Variants in EDIL3 observed in about 807,000 individuals in gnomAD.
EDIL3 encodes the protein EGF like and discoidin domains 3.
EDIL3 carries 37 observed loss-of-function variants against 67.4 expected under a neutral mutation model. That is an observed-to-expected ratio of 0.55 (90% CI 0.42 to 0.72). The LOEUF is 0.72. Among genes scored for constraint, EDIL3 ranks in the 30% least tolerant of loss-of-function variants. The pLI is 0.00. For missense variants in EDIL3, 527 were observed against 586.3 expected (o/e 0.90, Z 1.04); for synonymous variants, 195 against 196.3 (o/e 0.99, Z 0.05).
At chr5:84,376,299 T>G (rs1237941849) in intron 1 of EDIL3, among the ~76,000 whole-genome samples, 1 of 152,144 alleles carries the variant, frequency 6.6e-6, no homozygotes, top group East Asian at 1.9e-4. Context: ...AGACTCTTAA[T>G]GCTGACATGA....
chr5:84,286,106 A>G (rs1745801809), intron 1 of EDIL3, among the ~76,000 whole-genome samples: 1 of 152,146 alleles, frequency 6.6e-6, no homozygotes, highest in African/African-American at 2.4e-5. Context: ...TGAACTCTGT[A>G]GTCAGGCTGC....
chr5:83,943,591 T>G (rs1316194631), intron 10 of EDIL3, 23 bp from the exon 11 acceptor site: 8 of 1,609,986 alleles, frequency 5.0e-6, no homozygotes, highest in African/African-American at 1.3e-5. Flanking sequence ...AGCAGAAAAA[T>G]GTCAGTCACA....
intron 6 of EDIL3, among the ~76,000 whole-genome samples, chr5:84,103,151 A>ATAG (rs1747398061): frequency 6.6e-6 from 1 of 152,116 alleles, no homozygotes; most frequent in African/African-American, 2.4e-5. Flanking sequence ...TGATGCTGGG[A>ATAG]TAGTGGTTAG....
At chr5:84,154,534 C>T (rs1748455744) in intron 4 of EDIL3, among the ~76,000 whole-genome samples, 1 of 151,724 alleles carries the variant, frequency 6.6e-6, no homozygotes, top group Non-Finnish European at 1.5e-5. Context: ...AATCACGACA[C>T]ATTTAATGCT....
intron 4 of EDIL3, among the ~76,000 whole-genome samples, chr5:84,162,724 A>T (rs917651712): frequency 2.0e-5 from 3 of 152,020 alleles, no homozygotes; most frequent in Admixed American, 2.0e-4. Context: ...TGAGAAGTCC[A>T]CATCTGGCCC....
chr5:84,190,757 C>T (rs1406164396), intron 3 of EDIL3, among the ~76,000 whole-genome samples: 1 of 151,840 alleles, frequency 6.6e-6, no homozygotes, highest in African/African-American at 2.4e-5. Context: ...AACTTGCCAC[C>T]TATACTGCAT....
chr5:84,016,805 A>C (rs1745615124), intron 9 of EDIL3, among the ~76,000 whole-genome samples: 2 of 152,170 alleles, frequency 1.3e-5, no homozygotes, highest in Non-Finnish European at 2.9e-5. Context: ...CCTGGTTCCA[A>C]GTGTTTTGGA....
At position 84,251,414 on chromosome 5, in the gene EDIL3, CT is replaced by C. The variant is rs749584433; in HGVS notation, c.196+2669del. Among the ~76,000 whole-genome samples, 142 of 138,564 alleles carry C rather than the reference CT, an allele frequency of 1.0e-3. 1 individual carries two copies. Among genetic ancestry groups the C allele is most frequent in the South Asian group, 5.8e-3 (25 of 4,326 alleles). The allele number at this position is 138,564 out of a possible 152,430, so 90.9% of individuals were successfully genotyped here. A position where few individuals can be genotyped will look rare whatever the true frequency, so the allele number is the denominator to read the frequency against. ...ACCAGCGTGAGCCACCACGCCCGGC[CT>C]TTTTTTTTTTTTCGAAACAAAAACG... On this transcript the variant is annotated intron_variant, in intron 2 of 10. Transcript: ENST00000296591.
intron 6 of EDIL3, among the ~76,000 whole-genome samples, chr5:84,086,006 T>C (rs938245961): frequency 6.6e-6 from 1 of 152,186 alleles, no homozygotes; most frequent in Non-Finnish European, 1.5e-5. Flanking sequence ...TACTCATCCC[T>C]TCACCAAGCT....
chr5:84,263,475 G>C lies in EDIL3; in HGVS notation c.68-9263C>G, dbSNP rs113909997. Among the ~76,000 whole-genome samples, 375 of 152,312 alleles carry C rather than the reference G, an allele frequency of 2.5e-3. 1 individual carries two copies. The highest frequency in any genetic ancestry group is 8.4e-3 in the African/African-American group (349 of 41,564). Reference sequence around the variant, plus strand: ...GATGCAATTCTTTCAGGAGTTAGATGAAAGCATGGCAGTGTGTTATGCGGG... The same window carrying C: ...GATGCAATTCTTTCAGGAGTTAGATCAAAGCATGGCAGTGTGTTATGCGGG... On this transcript the variant is annotated intron_variant, in intron 1 of 10. Transcript: ENST00000296591.
chr5:84,089,250 T>A (rs1747123317), intron 6 of EDIL3, among the ~76,000 whole-genome samples: 1 of 152,150 alleles, frequency 6.6e-6, no homozygotes, highest in African/African-American at 2.4e-5. Context: ...CCACTTCCAC[T>A]CTCTATCCAG....
chr5:83,998,149 G>T (rs1000283617), intron 9 of EDIL3, among the ~76,000 whole-genome samples: 2 of 152,308 alleles, frequency 1.3e-5, no homozygotes, highest in Admixed American at 1.3e-4. Context: ...TGAGACACTA[G>T]CTAGGGCAGC....
chr5:84,080,062 G>A (rs1370408436), intron 6 of EDIL3, among the ~76,000 whole-genome samples: 1 of 135,718 alleles, frequency 7.4e-6, no homozygotes, highest in African/African-American at 2.8e-5. Context: ...ATGAGGTCAG[G>A]AGATCGAGAA....
chr5:83,954,072 A>T (rs1478965795), intron 10 of EDIL3, among the ~76,000 whole-genome samples: 1 of 151,820 alleles, frequency 6.6e-6, no homozygotes, highest in African/African-American at 2.4e-5. Context: ...ACATTAATTA[A>T]GACATTGTGA....
chr5:84,038,214 G>A (rs11960820), intron 9 of EDIL3, among the ~76,000 whole-genome samples: 51 of 151,882 alleles, frequency 3.4e-4, no homozygotes, highest in Middle Eastern at 3.4e-3. Flanking sequence ...CTCTCCTTAC[G>A]CGGTAGGTCA....
intron 1 of EDIL3, among the ~76,000 whole-genome samples, chr5:84,263,429 G>A (rs1745275797): frequency 6.6e-6 from 1 of 152,192 alleles, no homozygotes; most frequent in South Asian, 2.1e-4. Context: ...GAATCAAAGG[G>A]GTAGGTGTAT....
intron 1 of EDIL3, among the ~76,000 whole-genome samples, chr5:84,347,061 T>C (rs1198870901): frequency 6.6e-6 from 1 of 152,212 alleles, no homozygotes; most frequent in Non-Finnish European, 1.5e-5. Flanking sequence ...TCTTAAGCCT[T>C]CTAAGTCCTA....
intron 4 of EDIL3, among the ~76,000 whole-genome samples, chr5:84,147,891 C>T (rs928592116): frequency 2.0e-5 from 3 of 151,988 alleles, no homozygotes; most frequent in African/African-American, 7.2e-5. Flanking sequence ...AATAAATCAA[C>T]TATTATACAC....
intron 1 of EDIL3, among the ~76,000 whole-genome samples, chr5:84,344,022 A>G (rs1379568819): frequency 2.6e-5 from 4 of 152,122 alleles, no homozygotes; most frequent in Non-Finnish European, 4.4e-5. Flanking sequence ...TGTTCCCTCA[A>G]TAGAAGAATT....
Sources: allele counts gnomAD v4.1 joint callset (sites outside exome capture counted in the v4.1 genomes callset), GRCh38; gene constraint gnomAD v4.1.1; transcripts MANE v1.5; gene names NCBI Gene and HGNC (gene_info 2026-07-23, HGNC 2026-07-21).